The following FAM168A variants were observed in gnomAD, a reference collection of about 807,000 sequenced individuals.
FAM168A encodes family with sequence similarity 168 member A.
In FAM168A, 3 loss-of-function variants were observed where a neutral mutation model predicts 28.5. That is an observed-to-expected ratio of 0.11 (90% CI 0.05 to 0.27). FAM168A has a LOEUF of 0.27. Among genes scored for constraint, FAM168A ranks in the 10% least tolerant of loss-of-function variants. The pLI, the probability that FAM168A is intolerant of heterozygous loss-of-function variation, is 1.00. For missense variants in FAM168A, 222 were observed against 311.5 expected, an observed-to-expected ratio of 0.71 and a Z score of 2.16; for synonymous variants, 122 against 124.2, an observed-to-expected ratio of 0.98 and a Z score of 0.12.
chr11:73,534,574 T>C (rs1421973386), intron 1 of FAM168A, among the ~76,000 whole-genome samples: 2 of 152,018 alleles, frequency 1.3e-5, no homozygotes, highest in Non-Finnish European at 2.9e-5. Flanking sequence ...GGAAAATTTT[T>C]GTATTTTTAG....
intron 1 of FAM168A, among the ~76,000 whole-genome samples, chr11:73,514,828 G>GCCAT (rs140788338): frequency 0.14 from 20,346 of 146,440 alleles, 1,500 homozygotes; most frequent in South Asian, 0.16. Context: ...GTGAGACTCT[G>GCCAT]CCATCCATCC....
chr11:73,595,768 A>C (rs185474469), intron 1 of FAM168A, among the ~76,000 whole-genome samples: 1 of 152,264 alleles, frequency 6.6e-6, no homozygotes, highest in Non-Finnish European at 1.5e-5. Context: ...AAAAAATAAA[A>C]TAAAAATGAC....
intron 1 of FAM168A, among the ~76,000 whole-genome samples, chr11:73,583,764 T>C (rs1003732668): frequency 6.6e-6 from 1 of 152,154 alleles, no homozygotes; most frequent in Non-Finnish European, 1.5e-5. Context: ...CAATGCAAAC[T>C]TCAGGAGTAC....
At chr11:73,597,509 G>C (rs1013993692) in intron 1 of FAM168A, among the ~76,000 whole-genome samples, 2 of 151,278 alleles carry the variant, frequency 1.3e-5, no homozygotes, top group African/African-American at 4.9e-5. Flanking sequence ...CCTCACCCCA[G>C]CTCAGATCCC....
chr11:73,597,691 C>T (rs372354723), intron 1 of FAM168A, among the ~76,000 whole-genome samples: 5 of 151,444 alleles, frequency 3.3e-5, no homozygotes, highest in Non-Finnish European at 5.9e-5. Context: ...TATTCTCCAT[C>T]AAAAGTCCTC....
intron 1 of FAM168A, among the ~76,000 whole-genome samples, chr11:73,596,905 T>C (rs1944444531): frequency 6.6e-6 from 1 of 152,108 alleles, no homozygotes; most frequent in South Asian, 2.1e-4. Flanking sequence ...AAACTCCCTC[T>C]GCCACCTTGG....
intron 1 of FAM168A, among the ~76,000 whole-genome samples, chr11:73,513,846 CTA>C (rs1287759592): frequency 6.6e-6 from 1 of 152,078 alleles, no homozygotes; most frequent in Admixed American, 6.6e-5. Context: ...TACATTTTGG[CTA>C]TGTTATTTGA....
intron 1 of FAM168A, among the ~76,000 whole-genome samples, chr11:73,521,497 C>T (rs1392708606): frequency 6.6e-6 from 1 of 152,078 alleles, no homozygotes; most frequent in African/African-American, 2.4e-5. Flanking sequence ...AAACTCTGCT[C>T]TTCTTTTTTG....
Position 73,411,443 on chromosome 11 carries a change from G to A in FAM168A, c.371C>T (p.Ala124Val), listed in dbSNP as rs1054952565. 23 of 1,613,032 alleles carry A rather than the reference G, an allele frequency of 1.4e-5. No homozygotes were observed. Among genetic ancestry groups the A allele is most frequent in the Non-Finnish European group, 1.9e-5 (23 of 1,179,566 alleles). ...GTAGGCACTTCTGATTGGATACATG[G>A]CCGTCTGATAGGGGTTGGGTGATGG... is the stretch of plus-strand genomic sequence containing the variant. ...YSPSPNPYQTAMYPIRSAYPQ... is the reference protein window; with the variant it reads ...YSPSPNPYQTVMYPIRSAYPQ... The change falls in exon 5 of 8, where the codon GCC becomes GTC. Residue 124 changes from alanine (A) to valine (V), a missense_variant. Coordinates refer to ENST00000356467, the MANE Select transcript of FAM168A (RefSeq NM_015159.3).
At position 73,460,499 on chromosome 11, in the gene FAM168A, C is replaced by CTT. The variant is rs547956382; in HGVS notation, c.70+7904_70+7905dup. 9.0e-3 allele frequency among the ~76,000 whole-genome samples: 1,014 copies of CTT among 112,620 alleles called. 6 individuals are homozygous for CTT. The highest frequency in any genetic ancestry group is 0.012 in the Non-Finnish European group (676 of 55,100). The allele number at this position is 112,620 out of a possible 152,430, so 73.9% of individuals were successfully genotyped here. A position where few individuals can be genotyped will look rare whatever the true frequency, so the allele number is the denominator to read the frequency against. On this transcript the variant is annotated intron_variant, in intron 2 of 7. Transcript: ENST00000356467. Reference sequence around the variant, plus strand: ...GAATAATAAACAAAGGCTACTAATGCTTTTTTTTTTTTTTTTTTTTTTGAG... The same window carrying CTT: ...GAATAATAAACAAAGGCTACTAATGCTTTTTTTTTTTTTTTTTTTTTTTTGAG...
chr11:73,431,462 AAC>A (rs1436758482), intron 2 of FAM168A, among the ~76,000 whole-genome samples: 4 of 152,052 alleles, frequency 2.6e-5, no homozygotes, highest in Non-Finnish European at 5.9e-5. Context: ...TAACACCATT[AAC>A]AGTTTGGCAT....
chr11:73,425,135 T>C lies in FAM168A; in HGVS notation c.152-5136A>G, dbSNP rs919208977. ...GCAGTTACATAAACAGACTTTGTTT[T>C]GCAATAGCAGTTTCCCCCCAGCTTC... On this transcript the variant is annotated intron_variant, in intron 3 of 7. Coordinates refer to ENST00000356467, the MANE Select transcript of FAM168A (RefSeq NM_015159.3). The C allele has an allele frequency of 5.3e-6, 5 of 936,298 alleles. No homozygotes were observed. In the African/African-American group the frequency reaches 6.7e-5, roughly 13 times the overall value. The allele number at this position is 936,298 out of a possible 1,614,324, so 58.0% of individuals were successfully genotyped here.
chr11:73,528,244 G>A (rs1943470277), intron 1 of FAM168A, among the ~76,000 whole-genome samples: 1 of 152,210 alleles, frequency 6.6e-6, no homozygotes, highest in South Asian at 2.1e-4. Context: ...CTAGGAAAAT[G>A]AGGCTGAGAC....
chr11:73,426,091 C>T (rs140311076), intron 3 of FAM168A, among the ~76,000 whole-genome samples: 1 of 152,158 alleles, frequency 6.6e-6, no homozygotes, highest in Non-Finnish European at 1.5e-5. Flanking sequence ...GCAGTGAAAT[C>T]AAATGAGACA....
intron 1 of FAM168A, among the ~76,000 whole-genome samples, chr11:73,529,415 T>C (rs1406822463): frequency 6.6e-6 from 1 of 152,122 alleles, no homozygotes; most frequent in African/African-American, 2.4e-5. Flanking sequence ...AGAAATGAAA[T>C]AAACTATTGT....
intron 2 of FAM168A, among the ~76,000 whole-genome samples, chr11:73,431,537 A>G (rs1280672809): frequency 1.3e-5 from 2 of 152,142 alleles, no homozygotes; most frequent in Non-Finnish European, 2.9e-5. Context: ...GTGCTGGTAA[A>G]TATTTAACAA....
intron 1 of FAM168A, among the ~76,000 whole-genome samples, chr11:73,472,713 T>C (rs1203554155): frequency 6.6e-6 from 1 of 152,188 alleles, no homozygotes; most frequent in African/African-American, 2.4e-5. Flanking sequence ...AGTCATGTTT[T>C]TTATATATTT....
chr11:73,552,984 G>T (rs543660984), intron 1 of FAM168A, among the ~76,000 whole-genome samples: 1 of 152,000 alleles, frequency 6.6e-6, no homozygotes, highest in Non-Finnish European at 1.5e-5. Flanking sequence ...ATCAATAAAG[G>T]ATGCATGACT....
intron 1 of FAM168A, among the ~76,000 whole-genome samples, chr11:73,481,181 G>A (rs920243788): frequency 2.0e-5 from 3 of 152,096 alleles, no homozygotes; most frequent in East Asian, 3.9e-4. Context: ...AGCCTCCCAC[G>A]TAGCTGGGAC....
Sources: gnomAD v4.1 joint callset for allele counts (sites outside exome capture counted in the v4.1 genomes callset) on GRCh38, gnomAD v4.1.1 for gene constraint, MANE v1.5 for transcripts, NCBI Gene and HGNC (gene_info 2026-07-23, HGNC 2026-07-21) for gene names.